MCU: variants seen among roughly 807,000 people sequenced by gnomAD.
The protein encoded by MCU is mitochondrial calcium uniporter.
Under a neutral mutation model 45.2 loss-of-function variants are expected in MCU, and 12 were observed. The observed-to-expected ratio is 0.27, with a 90% CI of 0.17 to 0.43. The LOEUF is 0.43. Among genes scored for constraint, MCU ranks in the 20% least tolerant of loss-of-function variants. MCU has a pLI of 1.00. For missense variants in MCU, 324 were observed against 436.7 expected, an observed-to-expected ratio of 0.74 and a Z score of 2.30; for synonymous variants, 160 against 165.1, an observed-to-expected ratio of 0.97 and a Z score of 0.24.
intron 2 of MCU, among the ~76,000 whole-genome samples, chr10:72,858,162 A>C (rs1390319838): frequency 6.6e-6 from 1 of 152,186 alleles, no homozygotes; most frequent in African/African-American, 2.4e-5. Context: ...AACAGGATGC[A>C]TGCTGAGCAG....
chr10:72,756,932 G>A (rs996945657), intron 1 of MCU: 2 of 151,922 alleles, frequency 1.3e-5, no homozygotes, highest in Non-Finnish European at 2.9e-5. Flanking sequence ...CAGGTACTTG[G>A]GAGGCTGAGG....
chr10:72,734,764 A>G (rs985733049), intron 1 of MCU, among the ~76,000 whole-genome samples: 18 of 151,884 alleles, frequency 1.2e-4, no homozygotes, highest in African/African-American at 4.4e-4. Context: ...AAGGCGTGTG[A>G]CACCATGCCT....
chr10:72,794,798 C>T (rs1844219721), intron 1 of MCU, among the ~76,000 whole-genome samples: 1 of 152,132 alleles, frequency 6.6e-6, no homozygotes, highest in Admixed American at 6.5e-5. Context: ...TCTGTGAGGC[C>T]TGCCCTTAAG....
intron 1 of MCU, among the ~76,000 whole-genome samples, chr10:72,709,038 C>T (rs1446115600): frequency 1.3e-5 from 2 of 151,962 alleles, no homozygotes; most frequent in African/African-American, 4.8e-5. Context: ...GAAATTGATA[C>T]AGTGGCATCT....
At chr10:72,764,619 G>T (rs1843699747) in intron 1 of MCU, among the ~76,000 whole-genome samples, 1 of 152,158 alleles carries the variant, frequency 6.6e-6, no homozygotes, top group South Asian at 2.1e-4. Context: ...TCATTGGGAA[G>T]ACTATGCAGT....
At chr10:72,751,277 A>G (rs532611376) in intron 1 of MCU, among the ~76,000 whole-genome samples, 1 of 136,728 alleles carries the variant, frequency 7.3e-6, no homozygotes, top group South Asian at 2.6e-4. Context: ...TCCTGGGATT[A>G]TAGGTATGAG....
intron 1 of MCU, among the ~76,000 whole-genome samples, chr10:72,749,822 A>G (rs1328315270): frequency 6.6e-6 from 1 of 152,074 alleles, no homozygotes; most frequent in East Asian, 1.9e-4. Flanking sequence ...GCTGGAGTGC[A>G]GTGGCGTGAT....
intron 1 of MCU, 76 bp from the exon 2 acceptor site, chr10:72,834,283 A>G (rs1431170603): frequency 2.6e-5 from 26 of 1,014,898 alleles, no homozygotes. Context: ...ATATGTATAT[A>G]TTTATTATAT....
intron 1 of MCU, among the ~76,000 whole-genome samples, chr10:72,783,214 A>T (rs115730538): frequency 6.6e-6 from 1 of 152,250 alleles, no homozygotes; most frequent in African/African-American, 2.4e-5. Flanking sequence ...ATCATCTGGC[A>T]TAGGCATACC....
In MCU at chr10:72,809,735, GA is replaced by G. The variant is rs541765026; in HGVS notation, c.151-24618del. Among the ~76,000 whole-genome samples, 10 of 152,278 alleles carry G rather than the reference GA, an allele frequency of 6.6e-5. No individual in the cohort carries two copies. In the South Asian group the frequency reaches 2.1e-3, roughly 32 times the overall value. ...TGAGCTCTCCAAACAGAATAAGTAT[GA>G]AAAAACAAGGGCAAAGAATAAGCCT... On this transcript the variant is annotated intron_variant, in intron 1 of 7. Coordinates refer to ENST00000373053, the MANE Select transcript of MCU (RefSeq NM_138357.3).
In MCU at chr10:72,868,867, A is replaced by G; in HGVS notation, c.657+4A>G. On this transcript the variant is annotated splice_donor_region_variant and intron_variant, in intron 5 of 7. Transcript: ENST00000373053. ...GCAGCTGGCTCCCCTGGAAAAGGTA[A>G]AACTTCCAATCTCAGGTTTTTTACC... is the stretch of plus-strand genomic sequence containing the variant. The G allele has an allele frequency of 1.9e-6, 3 of 1,612,064 alleles. No individual in the cohort carries two copies. Among genetic ancestry groups the G allele is most frequent in the Non-Finnish European group, 2.5e-6 (3 of 1,179,392 alleles).
intron 5 of MCU, among the ~76,000 whole-genome samples, chr10:72,869,720 A>G (rs1845511916): frequency 6.6e-6 from 1 of 152,256 alleles, no homozygotes; most frequent in Non-Finnish European, 1.5e-5. Context: ...GATTTAAAAC[A>G]TATGGGAGGA....
intron 1 of MCU, among the ~76,000 whole-genome samples, chr10:72,785,671 C>T (rs1164900089): frequency 1.3e-5 from 2 of 152,150 alleles, no homozygotes; most frequent in Non-Finnish European, 2.9e-5. Context: ...GAAATAAAGG[C>T]TCACTTCATC....
At chr10:72,812,334 C>T (rs371058356) in intron 1 of MCU, among the ~76,000 whole-genome samples, 2 of 151,852 alleles carry the variant, frequency 1.3e-5, no homozygotes, top group African/African-American at 2.4e-5. Flanking sequence ...TTAGTAGAGG[C>T]GGGGTTTCAC....
rs1325532439 is a variant in MCU, at chr10:72,692,209, G to GGCGGGGGCGCCGGCGGCT, written c.65_82dup (p.Gly22_Gly27dup). Reference sequence around the variant, plus strand: ...GCTCCTCTCCTCTCGGGGCGGCGGCGGCGGGGGCGCCGGCGGCTGCGGGGC... The same window carrying GGCGGGGGCGCCGGCGGCT: ...GCTCCTCTCCTCTCGGGGCGGCGGCGGCGGGGGCGCCGGCGGCTGCGGGGGCGCCGGCGGCTGCGGGGC... On this transcript the variant is annotated inframe_insertion, in exon 1 of 8. Transcript: ENST00000373053. The GGCGGGGGCGCCGGCGGCT allele has an allele frequency of 8.0e-7, 1 of 1,254,938 alleles. No individual in the cohort carries two copies. The highest frequency in any genetic ancestry group is 1.0e-6 in the Non-Finnish European group (1 of 993,454). 77.7% of individuals were successfully genotyped at this position (1,254,938 alleles called of 1,614,324 possible). A position where few individuals can be genotyped will look rare whatever the true frequency, so the allele number is the denominator to read the frequency against.
intron 1 of MCU, 107 bp from the exon 2 acceptor site, chr10:72,834,252 A>T (rs374588740): frequency 1.6e-6 from 1 of 637,344 alleles, no homozygotes; most frequent in South Asian, 3.4e-5. Flanking sequence ...TCTACAAAGC[A>T]TGCATATTAC....
At position 72,692,189 on chromosome 10, in the gene MCU, TCTC is replaced by T. The variant is rs2132636954; in HGVS notation, c.42_44del (p.Ser15del). 2 of 1,276,016 alleles carry T rather than the reference TCTC, an allele frequency of 1.6e-6. No homozygotes were observed. Among genetic ancestry groups the T allele is most frequent in the Non-Finnish European group, 2.0e-6 (2 of 1,004,172 alleles). 79.0% of individuals were successfully genotyped at this position (1,276,016 alleles called of 1,614,324 possible). A position where few individuals can be genotyped will look rare whatever the true frequency, so the allele number is the denominator to read the frequency against. On this transcript the variant is annotated inframe_deletion, in exon 1 of 8. Transcript: ENST00000373053. Reference sequence around the variant, plus strand: ...GCAGGTAGATCGCTCCTGCTGCTCCTCTCCTCTCGGGGCGGCGGCGGCGGGGGC... The same window carrying T: ...GCAGGTAGATCGCTCCTGCTGCTCCTCTCTCGGGGCGGCGGCGGCGGGGGC...
chr10:72,726,411 G>A (rs777490197), intron 1 of MCU, among the ~76,000 whole-genome samples: 2 of 152,014 alleles, frequency 1.3e-5, no homozygotes, highest in Non-Finnish European at 2.9e-5. Context: ...TTCAATGGCC[G>A]TATAATATGC....
intron 2 of MCU, among the ~76,000 whole-genome samples, chr10:72,851,692 G>T (rs1385674952): frequency 6.6e-6 from 1 of 152,162 alleles, no homozygotes; most frequent in East Asian, 1.9e-4. Flanking sequence ...TGGGTGTGGG[G>T]AAGTTGCAAA....
Sources: gnomAD v4.1 joint callset for allele counts (sites outside exome capture counted in the v4.1 genomes callset) on GRCh38, gnomAD v4.1.1 for gene constraint, MANE v1.5 for transcripts, NCBI Gene and HGNC (gene_info 2026-07-23, HGNC 2026-07-21) for gene names.